The following ISCA1 variants were observed in gnomAD, a reference collection of about 807,000 sequenced individuals.
The protein encoded by ISCA1 is iron-sulfur cluster assembly 1.
In ISCA1, 9 loss-of-function variants were observed where a neutral mutation model predicts 14.7. That is an observed-to-expected ratio of 0.61 (90% CI 0.37 to 1.07). The LOEUF (loss-of-function observed/expected upper bound fraction) is 1.07. Ranked by LOEUF, ISCA1 falls within the 50% of genes least tolerant of loss-of-function variation. ISCA1 has a pLI of 0.01. For synonymous variants in ISCA1, 38 were observed against 54.3 expected, an observed-to-expected ratio of 0.70 and a Z score of 1.32; for missense variants, 102 against 150.1, an observed-to-expected ratio of 0.68 and a Z score of 1.67.
intron 1 of ISCA1, among the ~76,000 whole-genome samples, chr9:86,276,904 C>G (rs140123230): frequency 1.5e-5 from 2 of 130,224 alleles, no homozygotes; most frequent in Non-Finnish European, 3.2e-5. Context: ...AAAGGCATAG[C>G]CATGGAAAAT....
chr9:86,269,838 G>A (rs944155343), intron 3 of ISCA1, among the ~76,000 whole-genome samples: 3 of 152,124 alleles, frequency 2.0e-5, no homozygotes, highest in African/African-American at 4.8e-5. Flanking sequence ...ACAAGCAATG[G>A]GGAAAGGATT....
intron 2 of ISCA1, among the ~76,000 whole-genome samples, chr9:86,272,679 T>C (rs1374777708): frequency 6.6e-6 from 1 of 152,212 alleles, no homozygotes; most frequent in Non-Finnish European, 1.5e-5. Flanking sequence ...CATCCCTTAG[T>C]ATGCATGGGA....
rs544225048 is a variant in ISCA1 at position 86,264,670 on chromosome 9, C to T, written c.*1373G>A. The stretch of plus-strand genomic sequence containing the variant: ...ATTGATACAAACTCATGAGCATTTA[C>T]ATAAAACTACCGCTCTAGGTTTTGG... On this transcript the variant is annotated 3_prime_UTR_variant, in exon 4 of 4. Coordinates refer to ENST00000375991, the MANE Select transcript of ISCA1 (RefSeq NM_030940.4). 3.3e-5 allele frequency: 5 copies of T among 152,602 alleles called. No individual in the cohort carries two copies. Among genetic ancestry groups the T allele is most frequent in the African/African-American group, 1.2e-4 (5 of 41,534 alleles). 9.5% of individuals were successfully genotyped at this position (152,602 alleles called of 1,614,324 possible). A position where few individuals can be genotyped will look rare whatever the true frequency, so the allele number is the denominator to read the frequency against.
chr9:86,273,817 G>A (rs370695881), intron 2 of ISCA1, among the ~76,000 whole-genome samples: 1 of 152,148 alleles, frequency 6.6e-6, no homozygotes, highest in Non-Finnish European at 1.5e-5. Flanking sequence ...AGGCAAAGAG[G>A]GGGTACTACT....
At chr9:86,271,927 T>G in intron 3 of ISCA1, 80 bp downstream of exon 3, 1 of 759,652 alleles carries the variant, frequency 1.3e-6, no homozygotes, top group East Asian at 2.5e-5. Context: ...GCTACTATCC[T>G]TATTTTTTAC....
chr9:86,267,527 T>A, intron 3 of ISCA1: 1 of 973,194 alleles, frequency 1.0e-6, no homozygotes, highest in Non-Finnish European at 1.2e-6. Flanking sequence ...TTTAGATAGG[T>A]TTTAACAGAT....
In ISCA1 at chr9:86,265,717, G is replaced by T; in HGVS notation, c.*326C>A. On this transcript the variant is annotated 3_prime_UTR_variant, in exon 4 of 4. Transcript: ENST00000375991. ...GATCTGGTTGGGAGAAATGCTGAGG[G>T]ATGATCAAGCCATCAATAGCGATCT... 3.1e-6 allele frequency: 1 copy of T among 326,010 alleles called. No homozygotes were observed. The allele number at this position is 326,010 out of a possible 1,614,324, so 20.2% of individuals were successfully genotyped here. A position where few individuals can be genotyped will look rare whatever the true frequency, so the allele number is the denominator to read the frequency against.
At chr9:86,282,179 C>T in intron 1 of ISCA1, 199 bp downstream of exon 1, 2 of 618,236 alleles carry the variant, frequency 3.2e-6, no homozygotes, top group Non-Finnish European at 2.7e-6. Flanking sequence ...AAGAGAGCAG[C>T]CCCGCCCGGG....
intron 2 of ISCA1, 137 bp from the exon 3 acceptor site, chr9:86,272,249 G>C: frequency 3.1e-6 from 2 of 651,338 alleles, no homozygotes; most frequent in Non-Finnish European, 2.8e-6. Flanking sequence ...TCACTATGTA[G>C]CCCAGACTGG....
chr9:86,280,930 A>G (rs1825505159), intron 1 of ISCA1, among the ~76,000 whole-genome samples: 1 of 151,348 alleles, frequency 6.6e-6, no homozygotes, highest in Admixed American at 6.6e-5. Context: ...CCTGTCTCCA[A>G]AAACAAAACA....
chr9:86,271,623 T>C (rs2131222647), intron 3 of ISCA1, among the ~76,000 whole-genome samples: 1 of 152,382 alleles, frequency 6.6e-6, no homozygotes, highest in South Asian at 2.1e-4. Flanking sequence ...GTTGGTTCAC[T>C]GTGAGGTTTA....
At chr9:86,277,134 T>A (rs970994348) in intron 1 of ISCA1, among the ~76,000 whole-genome samples, 2 of 152,168 alleles carry the variant, frequency 1.3e-5, no homozygotes, top group African/African-American at 4.8e-5. Flanking sequence ...TTCTCAACTT[T>A]TAGCAGGAAA....
chr9:86,282,530 G>T lies in ISCA1; in HGVS notation c.-72C>A. On this transcript the variant is annotated 5_prime_UTR_variant, in exon 1 of 4. Transcript: ENST00000375991. ...CTCAGCTTCTCTCCATGGACACGGCGGGCGCATTGACGCCACAAGCTTCGG... is the reference window on the plus strand; with the variant it reads ...CTCAGCTTCTCTCCATGGACACGGCTGGCGCATTGACGCCACAAGCTTCGG... The T allele has an allele frequency of 6.5e-7, 1 of 1,549,400 alleles. No individual in the cohort carries two copies. Among genetic ancestry groups the T allele is most frequent in the Non-Finnish European group, 8.7e-7 (1 of 1,146,436 alleles).
chr9:86,266,199 A>G lies in ISCA1; in HGVS notation c.242-8T>C. 1 of 1,597,430 alleles carries G rather than the reference A, an allele frequency of 6.3e-7. No individual in the cohort carries two copies. The highest frequency in any genetic ancestry group is 8.5e-7 in the Non-Finnish European group (1 of 1,173,804). On this transcript the variant is annotated splice_polypyrimidine_tract_variant and splice_region_variant and intron_variant, in intron 3 of 3. Transcript: ENST00000375991. ...CGATGAATACTCTGACTCCTTGGAG[A>G]AAAGAAAACATGTGTCATGGAAAGC... is the stretch of plus-strand genomic sequence containing the variant.
chr9:86,271,283 T>C lies in ISCA1; in HGVS notation c.241+724A>G, dbSNP rs377477307. Among the ~76,000 whole-genome samples the C allele has an allele frequency of 2.2e-4, 34 of 152,276 alleles. No homozygotes were observed. In the South Asian group the frequency reaches 6.8e-3, roughly 31 times the overall value. On this transcript the variant is annotated intron_variant, in intron 3 of 3. Coordinates refer to ENST00000375991, the MANE Select transcript of ISCA1 (RefSeq NM_030940.4). ...TATGGTAGGCTCTACCATCTAGGTT[T>C]GTGTAAGTACACCCCAGGATATTTG...
chr9:86,274,266 T>C (rs1287352270), intron 1 of ISCA1, 24 bp from the exon 2 acceptor site: 2 of 1,506,644 alleles, frequency 1.3e-6, no homozygotes, highest in Admixed American at 1.7e-5. Context: ...ATGATGTTTT[T>C]AGCTACAAAA....
intron 3 of ISCA1, among the ~76,000 whole-genome samples, chr9:86,271,564 A>T (rs1453433325): frequency 6.6e-6 from 1 of 152,062 alleles, no homozygotes; most frequent in Non-Finnish European, 1.5e-5. Context: ...GGAATGCTCA[A>T]CTCGTACTTA....
chr9:86,273,759 G>A (rs117722836), intron 2 of ISCA1, among the ~76,000 whole-genome samples: 1 of 152,138 alleles, frequency 6.6e-6, no homozygotes, highest in Non-Finnish European at 1.5e-5. Flanking sequence ...ACTCTATACA[G>A]TCACCTCTCC....
chr9:86,273,637 T>C (rs1379213489), intron 2 of ISCA1, among the ~76,000 whole-genome samples: 1 of 152,162 alleles, frequency 6.6e-6, no homozygotes, highest in African/African-American at 2.4e-5. Flanking sequence ...TACACAGGAA[T>C]AACAAGCCCA....
Sources: allele counts gnomAD v4.1 joint callset (sites outside exome capture counted in the v4.1 genomes callset), GRCh38; gene constraint gnomAD v4.1.1; transcripts MANE v1.5; gene names NCBI Gene and HGNC (gene_info 2026-07-23, HGNC 2026-07-21).